NUP98: variants seen among roughly 807,000 people sequenced by gnomAD.
NUP98 encodes nuclear pore complex protein Nup98-Nup96.
Under a neutral mutation model 191.9 loss-of-function variants are expected in NUP98, and 26 were observed. The observed-to-expected ratio is 0.14, with a 90% CI of 0.10 to 0.19. The LOEUF is 0.19. NUP98 is among the 10% of genes least tolerant of loss of function. The pLI, the probability that NUP98 is intolerant of heterozygous loss-of-function variation, is 1.00. For missense variants in NUP98, 1,941 were observed against 2,178.8 expected, an observed-to-expected ratio of 0.89 and a Z score of 2.17; for synonymous variants, 808 against 778.4, an observed-to-expected ratio of 1.04 and a Z score of -0.63.
Position 3,698,772 on chromosome 11 carries a change from G to C in NUP98, c.4009+310C>G, listed in dbSNP as rs187582723. On this transcript the variant is annotated intron_variant, in intron 25 of 32. Coordinates refer to ENST00000324932, the MANE Select transcript of NUP98 (RefSeq NM_016320.5). ...AAAAAGTCATGGTTCCTATTCTATAGGAATAGGTGGGTGTGATCTACCCAC... is the reference window on the plus strand; with the variant it reads ...AAAAAGTCATGGTTCCTATTCTATACGAATAGGTGGGTGTGATCTACCCAC... Among the ~76,000 whole-genome samples, 387 of 144,796 alleles carry C rather than the reference G, an allele frequency of 2.7e-3. 1 individual carries two copies. The highest frequency in any genetic ancestry group is 8.9e-3 in the African/African-American group (340 of 38,170). 95.0% of individuals were successfully genotyped at this position (144,796 alleles called of 152,430 possible). A position where few individuals can be genotyped will look rare whatever the true frequency, so the allele number is the denominator to read the frequency against.
chr11:3,784,528 T>G (rs1283763589), intron 1 of NUP98, among the ~76,000 whole-genome samples: 3 of 150,718 alleles, frequency 2.0e-5, no homozygotes, highest in Non-Finnish European at 4.4e-5. Context: ...GGCAGGATGA[T>G]CTGCTTAAAG....
intron 25 of NUP98, among the ~76,000 whole-genome samples, chr11:3,697,639 T>C (rs569084361): frequency 6.6e-6 from 1 of 151,458 alleles, no homozygotes; most frequent in Admixed American, 6.6e-5. Context: ...CGAAACCCTG[T>C]CTCTACTAAA....
At position 3,775,918 on chromosome 11, in the gene NUP98, A is replaced by C. The variant is rs762289392; in HGVS notation, c.459T>G (p.Phe153Leu). 1 of 1,613,944 alleles carries C rather than the reference A, an allele frequency of 6.2e-7. No individual in the cohort carries two copies. Among genetic ancestry groups the C allele is most frequent in the African/African-American group, 1.3e-5 (1 of 75,046 alleles). The change falls in exon 5 of 33, where the codon TTT becomes TTG. Residue 153 changes from phenylalanine (F) to leucine (L), a missense_variant. Coordinates refer to ENST00000324932, the MANE Select transcript of NUP98 (RefSeq NM_016320.5). ...TSGSLFGPSS[F>L]TAAPTGTTIK... ...TAGTAGTCCCAGTAGGAGCAGCTGT[A>C]AAACTACTTGGCCCAAAGAGGGAGC...
At chr11:3,677,518 C>T (rs764668925) in intron 31 of NUP98, among the ~76,000 whole-genome samples, 12 of 150,544 alleles carry the variant, frequency 8.0e-5, no homozygotes, top group Middle Eastern at 3.4e-3. Flanking sequence ...TACAGTCATG[C>T]ACCACCACAT....
At chr11:3,691,323 C>T (rs1285927788) in intron 28 of NUP98, 24 bp downstream of exon 28, 2 of 1,613,688 alleles carry the variant, frequency 1.2e-6, no homozygotes, top group African/African-American at 2.7e-5. Context: ...ACTCAAGTGA[C>T]AATAAAGCCT....
At chr11:3,707,181 C>G (rs553757897) in intron 20 of NUP98, among the ~76,000 whole-genome samples, 66 of 152,178 alleles carry the variant, frequency 4.3e-4, no homozygotes, top group African/African-American at 1.6e-3. Context: ...ACGTAAGATA[C>G]GAGCACTATC....
At chr11:3,718,581 A>G (rs1417410021) in intron 18 of NUP98, among the ~76,000 whole-genome samples, 1 of 152,070 alleles carries the variant, frequency 6.6e-6, no homozygotes, top group African/African-American at 2.4e-5. Flanking sequence ...AAGGGAAAAG[A>G]AAAGAAGCGG....
chr11:3,775,934 AAGAGGG>A lies in NUP98; in HGVS notation c.437_442del (p.Ser146_Leu147del). The A allele has an allele frequency of 6.2e-7, 1 of 1,613,736 alleles. No individual in the cohort carries two copies. The highest frequency in any genetic ancestry group is 8.5e-7 in the Non-Finnish European group (1 of 1,179,642). ...AGCAGCTGTAAAACTACTTGGCCCA[AAGAGGG>A]AGCCAGATGTGCTGCCAAAAGGATT... is the stretch of plus-strand genomic sequence containing the variant. On this transcript the variant is annotated inframe_deletion, in exon 5 of 33. Transcript: ENST00000324932.
At chr11:3,712,476 C>A in intron 20 of NUP98, 88 bp downstream of exon 20, 1 of 1,574,434 alleles carries the variant, frequency 6.4e-7, no homozygotes, top group Non-Finnish European at 8.6e-7. Flanking sequence ...TTCCAAGGGT[C>A]ATAAAACAGC....
At chr11:3,702,263 A>C (rs2078706555) in intron 23 of NUP98, among the ~76,000 whole-genome samples, 200 bp downstream of exon 23, 1 of 150,540 alleles carries the variant, frequency 6.6e-6, no homozygotes, top group African/African-American at 2.5e-5. Flanking sequence ...CACACCGGGG[A>C]AACAGAGCAA....
At chr11:3,786,615 A>T (rs1370435992) in intron 1 of NUP98, among the ~76,000 whole-genome samples, 2 of 152,202 alleles carry the variant, frequency 1.3e-5, no homozygotes, top group Admixed American at 1.3e-4. Flanking sequence ...GTAGCCTTAT[A>T]ATACACCCAG....
chr11:3,759,766 A>G (rs1385774361), intron 10 of NUP98, among the ~76,000 whole-genome samples: 2 of 151,460 alleles, frequency 1.3e-5, no homozygotes, highest in East Asian at 3.8e-4. Flanking sequence ...AAAATTTTTG[A>G]AACCGTAAAA....
chr11:3,701,885 C>T (rs2078690868), intron 23 of NUP98, among the ~76,000 whole-genome samples: 1 of 151,822 alleles, frequency 6.6e-6, no homozygotes, highest in Non-Finnish European at 1.5e-5. Flanking sequence ...GACAGAGTTT[C>T]ACCGTGTTAG....
At position 3,679,122 on chromosome 11, in the gene NUP98, CA is replaced by C. The variant is rs36063275; in HGVS notation, c.5073+431del. Among the ~76,000 whole-genome samples, 225 of 97,316 alleles carry C rather than the reference CA, an allele frequency of 2.3e-3. 2 individuals carry two copies. The highest frequency in any genetic ancestry group is 5.5e-3 in the East Asian group (15 of 2,728). 63.8% of individuals were successfully genotyped at this position (97,316 alleles called of 152,430 possible). ...TGGATGACAGAGCAAGACTCTGTTC[CA>C]AAAAAAAAAAAAAAAAAAAAACTGA... On this transcript the variant is annotated intron_variant, in intron 31 of 32. Coordinates refer to ENST00000324932, the MANE Select transcript of NUP98 (RefSeq NM_016320.5).
intron 1 of NUP98, among the ~76,000 whole-genome samples, chr11:3,785,701 G>A (rs1441102531): frequency 1.3e-5 from 2 of 152,198 alleles, no homozygotes; most frequent in African/African-American, 2.4e-5. Context: ...AGACGTTGCA[G>A]TTAGTTGAGA....
intron 13 of NUP98, among the ~76,000 whole-genome samples, chr11:3,734,958 A>C (rs1452039199): frequency 6.6e-6 from 1 of 152,208 alleles, no homozygotes; most frequent in Non-Finnish European, 1.5e-5. Context: ...TTATTTCAGG[A>C]CTGTTGAAAA....
At chr11:3,735,009 C>T (rs2079991298) in intron 13 of NUP98, among the ~76,000 whole-genome samples, 182 bp downstream of exon 13, 1 of 152,166 alleles carries the variant, frequency 6.6e-6, no homozygotes, top group Non-Finnish European at 1.5e-5. Flanking sequence ...ATTTCACTGT[C>T]CCAACACCTT....
At position 3,723,436 on chromosome 11, in the gene NUP98, G is replaced by C. The variant is rs141414455; in HGVS notation, c.1867C>G (p.Pro623Ala). The change falls in exon 16 of 33, where the codon CCT becomes GCT. Residue 623 changes from proline to alanine, a missense_variant. Transcript: ENST00000324932. The stretch of plus-strand genomic sequence containing the variant: ...TCCTGCTGGTGATTCTCATCAACAG[G>C]TTTGCTTAGGAAACTAAATCTGCAA... ...NGERFSFLSK[P>A]VDENHQQDGD... is the part of the protein sequence containing the mutation. 18 of 1,613,632 alleles carry C rather than the reference G, an allele frequency of 1.1e-5. No homozygotes were observed. The highest frequency in any genetic ancestry group is 1.6e-4 in the Middle Eastern group (1 of 6,084).
At chr11:3,767,574 G>A (rs1019897114) in intron 8 of NUP98, among the ~76,000 whole-genome samples, 1 of 151,810 alleles carries the variant, frequency 6.6e-6, no homozygotes, top group African/African-American at 2.4e-5. Context: ...TCACACCTTG[G>A]CCTCCCAAAG....
Sources: gnomAD v4.1 joint callset for allele counts (sites outside exome capture counted in the v4.1 genomes callset) on GRCh38, gnomAD v4.1.1 for gene constraint, MANE v1.5 for transcripts, NCBI Gene and HGNC (gene_info 2026-07-23, HGNC 2026-07-21) for gene names.